FAM3C: variants seen among roughly 807,000 people sequenced by gnomAD.
FAM3C encodes protein FAM3C.
A neutral mutation model predicts 32.5 loss-of-function variants in FAM3C; 15 were observed. That is an observed-to-expected ratio of 0.46 (90% confidence interval 0.31 to 0.71). The LOEUF is 0.71. Among genes scored for constraint, FAM3C ranks in the 30% least tolerant of loss-of-function variants. The probability of loss-of-function intolerance (pLI) is 0.05; values close to 1 mark genes in which losing one functional copy is unlikely to be tolerated. For synonymous variants in FAM3C, 75 were observed against 86.1 expected (o/e 0.87, Z 0.72); for missense variants, 175 against 274.4 (o/e 0.64, Z 2.56).
rs569033694 is a variant in FAM3C, at chr7:121,386,744, A to G, written c.-41-3734T>C. ...GGTTCTGTTTTTCTATAGAACTCAG[A>G]CTAATACAGACCCCCTCAAGAACAG... On this transcript the variant is annotated intron_variant, in intron 1 of 9. Transcript: ENST00000359943. Among the ~76,000 whole-genome samples the G allele has an allele frequency of 4.4e-4, 66 of 151,722 alleles. 1 individual carries two copies. The highest frequency in any genetic ancestry group is 1.5e-3 in the African/African-American group (64 of 41,410).
Position 121,351,282 on chromosome 7 carries a change from G to C in FAM3C, c.468-13C>G, listed in dbSNP as rs752610999. ...CTCATCATTGAGTCTTGAAGAGGGAGAGAAAGAATACAACAATAAACAGAG... is the reference window on the plus strand; with the variant it reads ...CTCATCATTGAGTCTTGAAGAGGGACAGAAAGAATACAACAATAAACAGAG... On this transcript the variant is annotated splice_polypyrimidine_tract_variant and intron_variant, in intron 8 of 9. Transcript: ENST00000359943. The C allele has an allele frequency of 1.2e-6, 2 of 1,611,890 alleles. No individual in the cohort carries two copies. The highest frequency in any genetic ancestry group is 1.7e-6 in the Non-Finnish European group (2 of 1,178,776).
chr7:121,392,029 A>G (rs1794587550), intron 1 of FAM3C, among the ~76,000 whole-genome samples: 2 of 152,244 alleles, frequency 1.3e-5, no homozygotes, highest in African/African-American at 4.8e-5. Context: ...AAACAACTGT[A>G]TAACTGCAGC....
At chr7:121,351,375 A>G (rs1258391595) in intron 8 of FAM3C, 106 bp from the exon 9 acceptor site, 1 of 1,025,860 alleles carries the variant, frequency 9.7e-7, no homozygotes, top group Non-Finnish European at 1.3e-6. Context: ...GAGACTTTAA[A>G]TAACAGAACA....
rs140177929 is a variant in FAM3C at position 121,371,397 on chromosome 7, C to A, written c.175G>T (p.Gly59Trp). 43 of 1,613,896 alleles carry A rather than the reference C, an allele frequency of 2.7e-5. No individual in the cohort carries two copies. The highest frequency in any genetic ancestry group is 3.6e-5 in the Non-Finnish European group (42 of 1,179,838). The change falls in exon 5 of 10, where the codon GGG becomes TGG. Residue 59 changes from glycine (G) to tryptophan (W), a missense_variant. By Grantham distance (184) the Gly-to-Trp change is radical. Transcript: ENST00000359943. ...TTCTCAGGGCAAGCTTTTGAGATCCCACACTTATATCTGGGAGGCTTTGTA... is the reference window on the plus strand; with the variant it reads ...TTCTCAGGGCAAGCTTTTGAGATCCAACACTTATATCTGGGAGGCTTTGTA... Reference protein sequence around the residue: ...RSTKPPRYKCGISKACPEKHF... With the variant: ...RSTKPPRYKCWISKACPEKHF...
chr7:121,365,429 T>C (rs944581202), intron 5 of FAM3C, among the ~76,000 whole-genome samples: 4 of 152,146 alleles, frequency 2.6e-5, no homozygotes, highest in African/African-American at 9.6e-5. Context: ...AGATAGGACA[T>C]ATTTTTCAAT....
chr7:121,371,210 G>T, intron 5 of FAM3C, 90 bp downstream of exon 5: 1 of 1,442,492 alleles, frequency 6.9e-7, no homozygotes, highest in South Asian at 1.2e-5. Context: ...AAAGTATACC[G>T]AACACATTTT....
intron 2 of FAM3C, among the ~76,000 whole-genome samples, chr7:121,381,559 A>G (rs1269568966): frequency 2.7e-5 from 4 of 150,938 alleles, no homozygotes; most frequent in Non-Finnish European, 4.4e-5. Flanking sequence ...AGAGAAACTT[A>G]CTTTATTTCA....
Position 121,394,740 on chromosome 7 carries a change from C to T in FAM3C, c.-42+1422G>A, listed in dbSNP as rs140736896. Among the ~76,000 whole-genome samples the T allele has an allele frequency of 4.6e-4, 70 of 152,328 alleles. No homozygotes were observed. In the East Asian group the frequency reaches 0.013, roughly 28 times the overall value. ...TTTATTGGTAAACAGCCAAGAAACA[C>T]AAGAGACTACTAGTAGCCTCTAGAA... On this transcript the variant is annotated intron_variant, in intron 1 of 9. Coordinates refer to ENST00000359943, the MANE Select transcript of FAM3C (RefSeq NM_014888.3).
intron 8 of FAM3C, among the ~76,000 whole-genome samples, chr7:121,354,538 C>T (rs1264339972): frequency 3.3e-5 from 5 of 152,130 alleles, no homozygotes; most frequent in Non-Finnish European, 5.9e-5. Flanking sequence ...GGAGGCACAT[C>T]GGATAGTCCT....
intron 5 of FAM3C, among the ~76,000 whole-genome samples, chr7:121,365,531 T>C (rs893172826): frequency 1.3e-5 from 2 of 152,096 alleles, no homozygotes; most frequent in Admixed American, 6.5e-5. Flanking sequence ...AAAGAAGCTA[T>C]AGGGAGATAC....
intron 8 of FAM3C, among the ~76,000 whole-genome samples, chr7:121,354,344 G>A (rs200946116): frequency 6.6e-6 from 1 of 152,072 alleles, no homozygotes; most frequent in South Asian, 2.1e-4. Context: ...TATTATTTTA[G>A]TGAATAATTT....
chr7:121,381,276 A>G (rs796380011), intron 2 of FAM3C, among the ~76,000 whole-genome samples: 49 of 152,358 alleles, frequency 3.2e-4, no homozygotes, highest in African/African-American at 1.2e-3. Flanking sequence ...CACTGTAAGA[A>G]GAATGGCTAT....
rs10271227 is a variant in FAM3C, at chr7:121,383,838, C to T, written c.-41-828G>A. Among the ~76,000 whole-genome samples the T allele has an allele frequency of 3.5e-3, 534 of 152,296 alleles. 5 individuals are homozygous for T. Among genetic ancestry groups the T allele is most frequent in the African/African-American group, 0.012 (517 of 41,564 alleles). ...TTCAAGTTTAGCTGGAGAGCTTCCACAGTCAACTCAACCTATTGTAAAGGA... is the reference window on the plus strand; with the variant it reads ...TTCAAGTTTAGCTGGAGAGCTTCCATAGTCAACTCAACCTATTGTAAAGGA... On this transcript the variant is annotated intron_variant, in intron 1 of 9. Coordinates refer to ENST00000359943, the MANE Select transcript of FAM3C (RefSeq NM_014888.3).
chr7:121,378,900 TA>T lies in FAM3C; in HGVS notation c.118+9del, dbSNP rs1331865916. 14 of 1,412,076 alleles carry T rather than the reference TA, an allele frequency of 9.9e-6. No homozygotes were observed. The highest frequency in any genetic ancestry group is 1.3e-5 in the Non-Finnish European group (13 of 1,023,968). 87.5% of individuals were successfully genotyped at this position (1,412,076 alleles called of 1,614,324 possible). A position where few individuals can be genotyped will look rare whatever the true frequency, so the allele number is the denominator to read the frequency against. ...AATAAGATTTAAGAAAGGAAAAAAA[TA>T]AAACTTACCAAATAGATTTCCTAAA... On this transcript the variant is annotated intron_variant, in intron 3 of 9. Transcript: ENST00000359943.
intron 1 of FAM3C, among the ~76,000 whole-genome samples, chr7:121,392,513 G>A (rs1312952407): frequency 6.6e-6 from 1 of 152,156 alleles, no homozygotes; most frequent in African/African-American, 2.4e-5. Flanking sequence ...GACACACAGG[G>A]ATTACAATTT....
At chr7:121,352,549 A>C (rs1793725991) in intron 8 of FAM3C, among the ~76,000 whole-genome samples, 1 of 152,222 alleles carries the variant, frequency 6.6e-6, no homozygotes, top group African/African-American at 2.4e-5. Context: ...TTTATAGCCA[A>C]GTGAACTAAA....
chr7:121,369,556 C>T (rs1409871401), intron 5 of FAM3C, among the ~76,000 whole-genome samples: 1 of 152,152 alleles, frequency 6.6e-6, no homozygotes, highest in East Asian at 1.9e-4. Context: ...GAAACTGAAA[C>T]ACAAATGCTA....
At chr7:121,389,914 AG>A (rs1794542246) in intron 1 of FAM3C, among the ~76,000 whole-genome samples, 1 of 152,216 alleles carries the variant, frequency 6.6e-6, no homozygotes, top group African/African-American at 2.4e-5. Context: ...GGAAATGAGT[AG>A]GATGAAATTA....
At chr7:121,356,925 T>C (rs1584690016) in intron 8 of FAM3C, among the ~76,000 whole-genome samples, 1 of 152,282 alleles carries the variant, frequency 6.6e-6, no homozygotes, top group East Asian at 1.9e-4. Context: ...TTTTTCTCTA[T>C]CTTGTTTTTT....
Sources: allele counts gnomAD v4.1 joint callset (sites outside exome capture counted in the v4.1 genomes callset), GRCh38; gene constraint gnomAD v4.1.1; transcripts MANE v1.5; gene names NCBI Gene and HGNC (gene_info 2026-07-23, HGNC 2026-07-21).